ADAM22: variants seen among roughly 807,000 people sequenced by gnomAD.
The protein encoded by ADAM22 is ADAM metallopeptidase domain 22.
In ADAM22, 65 loss-of-function variants were observed where a neutral mutation model predicts 144.6. That is an observed-to-expected ratio of 0.45 (90% CI 0.37 to 0.55). The LOEUF is 0.55. Among genes scored for constraint, ADAM22 ranks in the 20% least tolerant of loss-of-function variants. The pLI is 0.00. For synonymous variants in ADAM22, 391 were observed against 412.6 expected (o/e 0.95, Z 0.63); for missense variants, 974 against 1,184.9 (o/e 0.82, Z 2.61).
chr7:87,938,279 C>T (rs1321842028), intron 2 of ADAM22, among the ~76,000 whole-genome samples: 6 of 121,492 alleles, frequency 4.9e-5, no homozygotes, highest in Admixed American at 1.1e-4. Flanking sequence ...AGTGCAATGG[C>T]GTGATCTCAG....
intron 7 of ADAM22, among the ~76,000 whole-genome samples, chr7:88,124,304 A>G (rs1418572286): frequency 6.6e-6 from 1 of 151,902 alleles, no homozygotes; most frequent in Non-Finnish European, 1.5e-5. Context: ...TTATTAGGTG[A>G]ATAAACATTT....
In ADAM22 at chr7:87,975,352, C is replaced by T. The variant is rs149385940; in HGVS notation, c.247-2984C>T. ...AACTCCACAGGAGCAGAAACATGAT[C>T]AGTTTTCTTCACTACTTTGTCCCCC... On this transcript the variant is annotated intron_variant, in intron 2 of 31. Transcript: ENST00000413139. Among the ~76,000 whole-genome samples, 1,207 of 152,284 alleles carry T rather than the reference C, an allele frequency of 7.9e-3. 11 individuals carry two copies. Among genetic ancestry groups the T allele is most frequent in the Non-Finnish European group, 0.011 (731 of 68,032 alleles).
At chr7:88,130,600 G>T (rs985257918) in intron 10 of ADAM22, 141 bp downstream of exon 10, 11 of 698,648 alleles carry the variant, frequency 1.6e-5, no homozygotes, top group Middle Eastern at 6.0e-4. Flanking sequence ...GGGTGACCTT[G>T]CAATAGACTT....
intron 3 of ADAM22, among the ~76,000 whole-genome samples, chr7:88,011,126 A>G (rs891732076): frequency 6.6e-6 from 1 of 152,252 alleles, no homozygotes; most frequent in Non-Finnish European, 1.5e-5. Flanking sequence ...GAAAGCTAGT[A>G]GTTGAGAAAG....
Position 88,006,892 on chromosome 7 carries a change from T to A in ADAM22, c.323+28480T>A, listed in dbSNP as rs1794016754. On this transcript the variant is annotated intron_variant, in intron 3 of 31. Transcript: ENST00000413139. ...CTCCTATTCAACATAGTGTTGGAAG[T>A]TCTGGCCAGGGCAATTAGGCAGGAG... is the stretch of plus-strand genomic sequence containing the variant. Among the ~76,000 whole-genome samples the A allele has an allele frequency of 4.0e-5, 6 of 150,178 alleles. No individual in the cohort carries two copies. The South Asian group carries it at 1.1e-3, about 27-fold the overall frequency.
intron 4 of ADAM22, among the ~76,000 whole-genome samples, chr7:88,094,308 T>A (rs183575593): frequency 1.2e-4 from 18 of 152,314 alleles, no homozygotes; most frequent in Admixed American, 7.2e-4. Flanking sequence ...AATGATATTA[T>A]TTCCAAAGTT....
intron 3 of ADAM22, among the ~76,000 whole-genome samples, chr7:88,055,309 G>A (rs770455650): frequency 4.6e-5 from 7 of 151,730 alleles, no homozygotes; most frequent in Admixed American, 2.0e-4. Context: ...AGGTGACAGG[G>A]TTTCTTGGGG....
chr7:88,078,129 G>A (rs1815229004), intron 4 of ADAM22, among the ~76,000 whole-genome samples: 2 of 152,180 alleles, frequency 1.3e-5, no homozygotes, highest in African/African-American at 2.4e-5. Context: ...ACCTCACACA[G>A]CTGGGTACTC....
At position 87,974,069 on chromosome 7, in the gene ADAM22, C is replaced by G. The variant is rs1490149073; in HGVS notation, c.247-4267C>G. Among the ~76,000 whole-genome samples, 7 of 150,486 alleles carry G rather than the reference C, an allele frequency of 4.7e-5. No individual in the cohort carries two copies. In the East Asian group the frequency reaches 1.4e-3, roughly 29 times the overall value. On this transcript the variant is annotated intron_variant, in intron 2 of 31. Coordinates refer to ENST00000413139, the MANE Select transcript of ADAM22 (RefSeq NM_001324418.2). ...AAGCTGCACGTTGTGCACATGTACCCTAAAACTTAAAGTATAATAATAATA... is the reference window on the plus strand; with the variant it reads ...AAGCTGCACGTTGTGCACATGTACCGTAAAACTTAAAGTATAATAATAATA...
intron 26 of ADAM22, among the ~76,000 whole-genome samples, chr7:88,178,317 T>G (rs1332736878): frequency 6.6e-6 from 1 of 152,198 alleles, no homozygotes; most frequent in African/African-American, 2.4e-5. Flanking sequence ...TTCCTTCACA[T>G]GTTCCACTGA....
At chr7:88,101,403 A>G (rs780301971) in intron 4 of ADAM22, among the ~76,000 whole-genome samples, 22 of 152,026 alleles carry the variant, frequency 1.4e-4, no homozygotes, top group Non-Finnish European at 1.5e-5. Flanking sequence ...GGGTGTTTGG[A>G]TCTGGAGGTG....
chr7:88,167,362 C>T (rs1843183631), intron 24 of ADAM22, among the ~76,000 whole-genome samples: 1 of 152,156 alleles, frequency 6.6e-6, no homozygotes, highest in Non-Finnish European at 1.5e-5. Context: ...TGCCATTCTG[C>T]TGTGATGATC....
chr7:88,106,066 A>C (rs150463110), intron 4 of ADAM22, among the ~76,000 whole-genome samples: 346 of 151,936 alleles, frequency 2.3e-3, no homozygotes, highest in African/African-American at 8.3e-3. Flanking sequence ...GGAAGGCGCC[A>C]ATAGCTCACA....
At chr7:88,181,768 G>T (rs1040107210) in intron 28 of ADAM22, among the ~76,000 whole-genome samples, 163 bp downstream of exon 28, 1 of 152,162 alleles carries the variant, frequency 6.6e-6, no homozygotes, top group East Asian at 1.9e-4. Flanking sequence ...GATGGGAAAT[G>T]ATGGGATTCG....
At chr7:88,181,355 T>G in intron 27 of ADAM22, 150 bp from the exon 28 acceptor site, 1 of 654,674 alleles carries the variant, frequency 1.5e-6, no homozygotes, top group Non-Finnish European at 2.6e-6. Flanking sequence ...CATGAAGACT[T>G]TCATGTTCTC....
At chr7:88,172,976 T>G (rs948433557) in intron 26 of ADAM22, among the ~76,000 whole-genome samples, 1 of 152,000 alleles carries the variant, frequency 6.6e-6, no homozygotes, top group Non-Finnish European at 1.5e-5. Flanking sequence ...TCAGCTTCAT[T>G]TCCACAGGAA....
intron 2 of ADAM22, among the ~76,000 whole-genome samples, chr7:87,945,701 A>G (rs1055063140): frequency 1.3e-4 from 20 of 151,520 alleles, no homozygotes. Flanking sequence ...TTTAGTAGAG[A>G]CGGGGGTTTC....
intron 14 of ADAM22, among the ~76,000 whole-genome samples, chr7:88,141,084 G>C (rs183344015): frequency 6.6e-6 from 1 of 152,168 alleles, no homozygotes; most frequent in African/African-American, 2.4e-5. Flanking sequence ...GGTTCCTCCC[G>C]TGGTGGAGAC....
chr7:87,938,402 A>G (rs1370755242), intron 2 of ADAM22, among the ~76,000 whole-genome samples: 1 of 151,654 alleles, frequency 6.6e-6, no homozygotes. Context: ...TATTCTTAGT[A>G]GAGACAGGGT....
Sources: gnomAD v4.1 joint callset for allele counts (sites outside exome capture counted in the v4.1 genomes callset) on GRCh38, gnomAD v4.1.1 for gene constraint, MANE v1.5 for transcripts, NCBI Gene and HGNC (gene_info 2026-07-23, HGNC 2026-07-21) for gene names.